CPE: variants seen among roughly 807,000 people sequenced by gnomAD.
CPE encodes carboxypeptidase E, also known as carbocypeptidase E.
CPE carries 17 observed loss-of-function variants against 53.5 expected under a neutral mutation model. The observed-to-expected ratio is 0.32, with a 90% CI of 0.22 to 0.48. CPE has a LOEUF of 0.48. CPE is among the 20% of genes least tolerant of loss of function. The pLI, the probability that CPE is intolerant of heterozygous loss-of-function variation, is 0.99. For synonymous variants in CPE, 226 were observed against 228.8 expected, an observed-to-expected ratio of 0.99 and a Z score of 0.11; for missense variants, 524 against 614.7, an observed-to-expected ratio of 0.85 and a Z score of 1.56.
intron 3 of CPE, among the ~76,000 whole-genome samples, chr4:165,470,590 G>C (rs1381928435): frequency 1.3e-5 from 2 of 152,142 alleles, no homozygotes; most frequent in African/African-American, 4.8e-5. Context: ...CCTGGCACTT[G>C]CTGCAACCAA....
intron 1 of CPE, among the ~76,000 whole-genome samples, chr4:165,428,177 A>T (rs896102338): frequency 6.6e-6 from 1 of 152,126 alleles, no homozygotes; most frequent in Non-Finnish European, 1.5e-5. Context: ...CTATATAGAC[A>T]CATGCTGCTA....
intron 3 of CPE, among the ~76,000 whole-genome samples, chr4:165,473,090 T>C (rs1158678994): frequency 6.6e-6 from 1 of 152,200 alleles, no homozygotes; most frequent in Non-Finnish European, 1.5e-5. Context: ...AAAGTAGCAG[T>C]TTATGAAGCA....
intron 1 of CPE, among the ~76,000 whole-genome samples, chr4:165,408,098 A>G (rs1378061649): frequency 6.6e-6 from 1 of 152,136 alleles, no homozygotes; most frequent in Non-Finnish European, 1.5e-5. Context: ...ATCTTCTCCC[A>G]TTCTGTGTGT....
At chr4:165,380,878 T>A (rs1249337533) in intron 1 of CPE, among the ~76,000 whole-genome samples, 1 of 152,220 alleles carries the variant, frequency 6.6e-6, no homozygotes, top group Admixed American at 6.5e-5. Context: ...GGATTCAGCA[T>A]GTAGGATTGG....
chr4:165,413,688 G>T (rs1866224), intron 1 of CPE, among the ~76,000 whole-genome samples: 36,218 of 152,138 alleles, frequency 0.24, 4,848 homozygotes, highest in Middle Eastern at 0.34. Context: ...TAAGGGACAT[G>T]CTAGGAGTTG....
Position 165,407,753 on chromosome 4 carries a change from G to T in CPE, c.307+28225G>T, listed in dbSNP as rs985747311. ...TATTTTTTAGTAGAGACGGGGTTTT[G>T]CCATGTTGGCCAGGCTGGTCTTGAA... On this transcript the variant is annotated intron_variant, in intron 1 of 8. Coordinates refer to ENST00000402744, the MANE Select transcript of CPE (RefSeq NM_001873.4). Among the ~76,000 whole-genome samples the T allele has an allele frequency of 2.0e-5, 3 of 151,810 alleles. No homozygotes were observed. The East Asian group carries it at 5.8e-4, about 29-fold the overall frequency.
intron 1 of CPE, among the ~76,000 whole-genome samples, chr4:165,437,686 G>T (rs1731532137): frequency 6.6e-6 from 1 of 152,170 alleles, no homozygotes; most frequent in Admixed American, 6.6e-5. Context: ...CTCATGCATT[G>T]GGTATGATGG....
chr4:165,460,957 G>A (rs1411799943), intron 1 of CPE, among the ~76,000 whole-genome samples: 1 of 150,922 alleles, frequency 6.6e-6, no homozygotes, highest in African/African-American at 2.4e-5. Flanking sequence ...TTCAAACTGA[G>A]GTGTTAAAAA....
chr4:165,392,194 A>G (rs950230710), intron 1 of CPE, among the ~76,000 whole-genome samples: 1 of 147,358 alleles, frequency 6.8e-6, no homozygotes, highest in East Asian at 2.0e-4. Context: ...ATATACTTAT[A>G]TATATATAGT....
chr4:165,478,528 G>T (rs113350873), intron 3 of CPE, among the ~76,000 whole-genome samples: 1 of 152,232 alleles, frequency 6.6e-6, no homozygotes, highest in Admixed American at 6.5e-5. Flanking sequence ...TTCAAGAACA[G>T]TTTCTTTTAA....
chr4:165,391,669 G>T (rs1730681579), intron 1 of CPE, among the ~76,000 whole-genome samples: 1 of 152,096 alleles, frequency 6.6e-6, no homozygotes. Flanking sequence ...TTTCTGTATA[G>T]GTTATTATAT....
chr4:165,443,335 C>T (rs546500308), intron 1 of CPE, among the ~76,000 whole-genome samples: 81 of 152,298 alleles, frequency 5.3e-4, no homozygotes, highest in African/African-American at 1.9e-3. Context: ...TTATTAAATG[C>T]CAGCCACTAT....
chr4:165,495,544 T>C lies in CPE; in HGVS notation c.1214-15T>C. 6.5e-7 allele frequency: 1 copy of C among 1,535,856 alleles called. No homozygotes were observed. Among genetic ancestry groups the C allele is most frequent in the Non-Finnish European group, 9.0e-7 (1 of 1,112,796 alleles). Reference sequence around the variant, plus strand: ...TTTCATGTGCTTTGTGATTTGATATTCTGCCTTCCTACAGCAAAGGATGGT... The same window carrying C: ...TTTCATGTGCTTTGTGATTTGATATCCTGCCTTCCTACAGCAAAGGATGGT... On this transcript the variant is annotated splice_polypyrimidine_tract_variant and intron_variant, in intron 7 of 8. Coordinates refer to ENST00000402744, the MANE Select transcript of CPE (RefSeq NM_001873.4).
At chr4:165,399,447 C>T (rs1016586991) in intron 1 of CPE, among the ~76,000 whole-genome samples, 8 of 152,160 alleles carry the variant, frequency 5.3e-5, no homozygotes, top group African/African-American at 1.7e-4. Flanking sequence ...TCACTGCAAC[C>T]TCCACCTCCC....
rs756215788 is a variant in CPE at position 165,379,454 on chromosome 4, C to A, written c.233C>A (p.Thr78Lys). The A allele has an allele frequency of 1.3e-5, 21 of 1,607,276 alleles. No individual in the cohort carries two copies. The Admixed American group carries it at 3.5e-4, about 27-fold the overall frequency. The part of the protein sequence containing the change: ...LQCTAISRIY[T>K]VGRSFEGREL... ...TGCACCGCCATCAGCAGGATTTACA[C>A]GGTGGGGCGCAGCTTCGAGGGCCGG... Residue 78 changes from threonine to lysine, a missense_variant, in exon 1 of 9, where the codon ACG becomes AAG. Transcript: ENST00000402744. This position sits in a 1 kb window ranked among gnomAD's most constrained non-coding sequence, Gnocchi z 6.0.
chr4:165,424,879 C>CTTTTTTTT lies in CPE; in HGVS notation c.308-39505_308-39498dup, dbSNP rs777344411. On this transcript the variant is annotated intron_variant, in intron 1 of 8. Transcript: ENST00000402744. ...TCTGTAATGATTTAAAAAGTAGAAA[C>CTTTTTTTT]TTTTTTTTTTTTTGAGACAGAGTCT... Among the ~76,000 whole-genome samples, 352 of 137,746 alleles carry CTTTTTTTT rather than the reference C, an allele frequency of 2.6e-3. 16 individuals are homozygous for CTTTTTTTT. The highest frequency in any genetic ancestry group is 0.011 in the East Asian group (49 of 4,594). 90.4% of individuals were successfully genotyped at this position (137,746 alleles called of 152,430 possible). A position where few individuals can be genotyped will look rare whatever the true frequency, so the allele number is the denominator to read the frequency against.
intron 1 of CPE, among the ~76,000 whole-genome samples, chr4:165,383,043 A>G (rs1433016638): frequency 6.6e-6 from 1 of 152,198 alleles, no homozygotes; most frequent in Non-Finnish European, 1.5e-5. Flanking sequence ...AGCCAATTTC[A>G]ATAAGCAGAA....
rs978385134 is a variant in CPE at position 165,498,362 on chromosome 4, T to C, written c.*752T>C. ...TTCTCTAAGATTTTTGGTCTGGCATTGTGGTCTTATGATGAAAACATGTAT... is the reference window on the plus strand; with the variant it reads ...TTCTCTAAGATTTTTGGTCTGGCATCGTGGTCTTATGATGAAAACATGTAT... On this transcript the variant is annotated 3_prime_UTR_variant, in exon 9 of 9. Transcript: ENST00000402744. The C allele has an allele frequency of 6.6e-6, 1 of 152,192 alleles. No individual in the cohort carries two copies. The highest frequency in any genetic ancestry group is 1.9e-4 in the East Asian group (1 of 5,190). The allele number at this position is 152,192 out of a possible 1,614,324, so 9.4% of individuals were successfully genotyped here. A position where few individuals can be genotyped will look rare whatever the true frequency, so the allele number is the denominator to read the frequency against.
At position 165,405,213 on chromosome 4, in the gene CPE, C is replaced by T. The variant is rs1286785971; in HGVS notation, c.307+25685C>T. ...GCATCTTTAAGTATAGTCTTTCGCC[C>T]CTTATCCACGGAGACTTGGGCAATG... On this transcript the variant is annotated intron_variant, in intron 1 of 8. Coordinates refer to ENST00000402744, the MANE Select transcript of CPE (RefSeq NM_001873.4). 2.5e-5 allele frequency: 20 copies of T among 792,574 alleles called. No homozygotes were observed. In the Admixed American group the frequency reaches 2.9e-4, roughly 11 times the overall value. The allele number at this position is 792,574 out of a possible 1,614,324, so 49.1% of individuals were successfully genotyped here.
Sources: gnomAD v4.1 joint callset for allele counts (sites outside exome capture counted in the v4.1 genomes callset) on GRCh38, gnomAD v4.1.1 for gene constraint, Gnocchi (gnomAD v3.1) non-coding constraint, MANE v1.5 for transcripts, NCBI Gene and HGNC (gene_info 2026-07-23, HGNC 2026-07-21) for gene names.